The following EPHA3 variants were observed in gnomAD, a reference collection of about 807,000 sequenced individuals.
The protein encoded by EPHA3 is EPH receptor A3.
A neutral mutation model predicts 107.1 loss-of-function variants in EPHA3; 42 were observed. The observed-to-expected ratio is 0.39, with a 90% CI of 0.31 to 0.51. The LOEUF is 0.51. EPHA3 is among the 20% of genes least tolerant of loss of function. The probability of loss-of-function intolerance (pLI) is 0.78; values close to 1 mark genes in which losing one functional copy is unlikely to be tolerated. For synonymous variants in EPHA3, 461 were observed against 424.8 expected (o/e 1.09, Z -1.05); for missense variants, 1,183 against 1,211.2 (o/e 0.98, Z 0.35).
chr3:89,184,091 T>C (rs925267413), intron 2 of EPHA3, among the ~76,000 whole-genome samples: 2 of 151,982 alleles, frequency 1.3e-5, no homozygotes, highest in African/African-American at 4.8e-5. Context: ...AAGATGTTGG[T>C]ATTCTTCAAA....
At chr3:89,321,510 G>A (rs953494439) in intron 3 of EPHA3, among the ~76,000 whole-genome samples, 5 of 152,028 alleles carry the variant, frequency 3.3e-5, no homozygotes, top group African/African-American at 1.2e-4. Flanking sequence ...TCCTTTAAAT[G>A]TCTGCTATTC....
At chr3:89,123,016 C>T (rs1232255029) in intron 1 of EPHA3, among the ~76,000 whole-genome samples, 1 of 152,076 alleles carries the variant, frequency 6.6e-6, no homozygotes, top group Non-Finnish European at 1.5e-5. Flanking sequence ...TCCCACAATC[C>T]AAAAGAGGGG....
intron 5 of EPHA3, among the ~76,000 whole-genome samples, chr3:89,347,472 G>C: frequency 6.7e-6 from 1 of 149,074 alleles, no homozygotes; most frequent in Non-Finnish European, 1.5e-5. Flanking sequence ...TTTGTATCCT[G>C]AGACTTTGCT....
At position 89,236,029 on chromosome 3, in the gene EPHA3, A is replaced by AT. The variant is rs1214148770; in HGVS notation, c.814+25510dup. ...ACATACCAGTCAAGTCAAGAAAGCA[A>AT]TGAATTACAATTTTAAACTGTTTCA... On this transcript the variant is annotated intron_variant, in intron 3 of 16. Coordinates refer to ENST00000336596, the MANE Select transcript of EPHA3 (RefSeq NM_005233.6). 2.0e-5 allele frequency among the ~76,000 whole-genome samples: 3 copies of AT among 152,210 alleles called. No homozygotes were observed. In the East Asian group the frequency reaches 5.8e-4, roughly 29 times the overall value.
chr3:89,287,457 C>T (rs60513560), intron 3 of EPHA3, among the ~76,000 whole-genome samples: 5,200 of 152,018 alleles, frequency 0.034, 301 homozygotes, highest in African/African-American at 0.12. Flanking sequence ...TCAATAAAAG[C>T]GTGACATCTA....
At chr3:89,292,050 A>G (rs1411948158) in intron 3 of EPHA3, among the ~76,000 whole-genome samples, 1 of 152,154 alleles carries the variant, frequency 6.6e-6, no homozygotes, top group Non-Finnish European at 1.5e-5. Flanking sequence ...CAATTATTCT[A>G]TAGTTCTAAG....
At chr3:89,154,793 A>G (rs1704763063) in intron 2 of EPHA3, among the ~76,000 whole-genome samples, 1 of 150,562 alleles carries the variant, frequency 6.6e-6, no homozygotes, top group Non-Finnish European at 1.5e-5. Flanking sequence ...GACATTAGGC[A>G]ATTATCCATA....
chr3:89,232,814 A>G (rs1405983727), intron 3 of EPHA3, among the ~76,000 whole-genome samples: 1 of 152,184 alleles, frequency 6.6e-6, no homozygotes, highest in African/African-American at 2.4e-5. Flanking sequence ...GCTAGAAGAG[A>G]CTTAGCTATT....
intron 2 of EPHA3, among the ~76,000 whole-genome samples, chr3:89,171,523 T>C (rs1181060334): frequency 2.0e-5 from 3 of 152,204 alleles, no homozygotes; most frequent in African/African-American, 7.2e-5. Flanking sequence ...GAAGTAATTT[T>C]ACAAACTCTT....
intron 3 of EPHA3, among the ~76,000 whole-genome samples, chr3:89,276,640 GA>G (rs1265064349): frequency 1.3e-5 from 2 of 151,988 alleles, no homozygotes; most frequent in African/African-American, 4.8e-5. Context: ...TGTTATTTGG[GA>G]AAAAATATGA....
chr3:89,403,588 A>G (rs754328244), intron 7 of EPHA3, among the ~76,000 whole-genome samples: 6 of 152,328 alleles, frequency 3.9e-5, no homozygotes, highest in Admixed American at 1.3e-4. Flanking sequence ...CACCAATACA[A>G]GAAGTACAGA....
intron 5 of EPHA3, among the ~76,000 whole-genome samples, chr3:89,378,118 G>A (rs1284099120): frequency 2.0e-5 from 3 of 152,016 alleles, no homozygotes; most frequent in Non-Finnish European, 4.4e-5. Flanking sequence ...GTCACAGGGT[G>A]GGGGACTAGG....
intron 5 of EPHA3, among the ~76,000 whole-genome samples, chr3:89,366,263 C>T (rs1708182477): frequency 6.6e-6 from 1 of 150,492 alleles, no homozygotes; most frequent in Non-Finnish European, 1.5e-5. Context: ...ACAATACCAA[C>T]AGGCAGAGGG....
In EPHA3 at chr3:89,431,317, G is replaced by A. The variant is rs757246629; in HGVS notation, c.2304G>A (p.Ser768=). The A allele has an allele frequency of 1.9e-5, 30 of 1,613,170 alleles. No homozygotes were observed. The highest frequency in any genetic ancestry group is 2.4e-5 in the Non-Finnish European group (28 of 1,179,852). ...GTAAGGTTTCTGATTTCGGACTTTC[G>A]CGTGTCCTGGAGGATGACCCAGAAG... ...LVCKVSDFGL[S]RVLEDDPEAA... Residue 768 remains serine, a synonymous_variant, in exon 13 of 17, where the codon TCG becomes TCA. Transcript: ENST00000336596.
chr3:89,225,368 A>G (rs1315674821), intron 3 of EPHA3, among the ~76,000 whole-genome samples: 1 of 152,176 alleles, frequency 6.6e-6, no homozygotes, highest in Non-Finnish European at 1.5e-5. Context: ...TTCTAAAATT[A>G]CACTAGATAC....
chr3:89,143,823 T>A (rs1440113108), intron 2 of EPHA3, among the ~76,000 whole-genome samples: 2 of 151,590 alleles, frequency 1.3e-5, no homozygotes, highest in African/African-American at 4.8e-5. Context: ...CACATTGCAT[T>A]TAGTAGGAAG....
chr3:89,394,236 C>G (rs545356406), intron 5 of EPHA3, among the ~76,000 whole-genome samples: 2 of 152,228 alleles, frequency 1.3e-5, no homozygotes, highest in African/African-American at 2.4e-5. Context: ...CATGACAAAA[C>G]TTTGTCTCTA....
At chr3:89,183,141 AATT>A (rs1003566696) in intron 2 of EPHA3, among the ~76,000 whole-genome samples, 1 of 152,020 alleles carries the variant, frequency 6.6e-6, no homozygotes, top group Non-Finnish European at 1.5e-5. Context: ...TAGTTAAAAT[AATT>A]ATTGAGTTCC....
At chr3:89,425,723 A>G (rs1709442075) in intron 11 of EPHA3, among the ~76,000 whole-genome samples, 1 of 151,588 alleles carries the variant, frequency 6.6e-6, no homozygotes, top group African/African-American at 2.4e-5. Flanking sequence ...ATATGTATAT[A>G]TATATGCGTA....
Sources: allele counts gnomAD v4.1 joint callset (sites outside exome capture counted in the v4.1 genomes callset), GRCh38; gene constraint gnomAD v4.1.1; transcripts MANE v1.5; gene names NCBI Gene and HGNC (gene_info 2026-07-23, HGNC 2026-07-21).